Variants in PTPN3 observed in about 807,000 individuals in gnomAD.
PTPN3 encodes the protein tyrosine-protein phosphatase non-receptor type 3.
A neutral mutation model predicts 132.7 loss-of-function variants in PTPN3; 96 were observed. The observed-to-expected ratio is 0.72, with a 90% CI of 0.61 to 0.86. The LOEUF is 0.86. PTPN3 is among the 40% of genes least tolerant of loss of function. The pLI is 0.00. For missense variants in PTPN3, 1,125 were observed against 1,159.6 expected (o/e 0.97, Z 0.43); for synonymous variants, 398 against 429.0 (o/e 0.93, Z 0.89).
chr9:109,538,348 G>A, the PTPN3 span, among the ~76,000 whole-genome samples: 29,340 of 152,160 alleles, frequency 0.19, 3,193 homozygotes, highest in Admixed American at 0.23. Flanking sequence ...ATTTAGAAAA[G>A]CTAAAGTCTG....
chr9:109,440,371 C>G (rs1296996421), intron 7 of PTPN3, among the ~76,000 whole-genome samples: 1 of 152,242 alleles, frequency 6.6e-6, no homozygotes, highest in Non-Finnish European at 1.5e-5. Context: ...CCTGACACAG[C>G]ATGCCCAATG....
chr9:109,406,748 T>C (rs893140045), intron 17 of PTPN3, 130 bp from the exon 18 acceptor site: 2 of 1,097,530 alleles, frequency 1.8e-6, no homozygotes, highest in South Asian at 1.6e-5. Context: ...CGGGTAGTAC[T>C]GTCATTATTT....
At chr9:109,532,464 A>G in the PTPN3 span, among the ~76,000 whole-genome samples, 1 of 152,124 alleles carries the variant, frequency 6.6e-6, no homozygotes, top group Non-Finnish European at 1.5e-5. Context: ...TGACTTTTTG[A>G]AAAAATCAAG....
chr9:109,384,904 A>G (rs1839442667), intron 22 of PTPN3, among the ~76,000 whole-genome samples: 1 of 152,214 alleles, frequency 6.6e-6, no homozygotes, highest in Non-Finnish European at 1.5e-5. Flanking sequence ...TTTGGTTAGT[A>G]GCCATTCTGT....
chr9:109,420,312 C>T, intron 14 of PTPN3, 112 bp downstream of exon 14: 9 of 1,145,908 alleles, frequency 7.9e-6, no homozygotes, highest in Non-Finnish European at 9.6e-6. Flanking sequence ...CCTGTGGGAG[C>T]TGGCTGCAGG....
At chr9:109,441,171 C>G (rs1455986509) in intron 7 of PTPN3, among the ~76,000 whole-genome samples, 1 of 152,182 alleles carries the variant, frequency 6.6e-6, no homozygotes, top group African/African-American at 2.4e-5. Context: ...ATCCATTTTC[C>G]TATCTGTGAG....
intron 1 of PTPN3, among the ~76,000 whole-genome samples, chr9:109,476,911 T>G (rs1221287928): frequency 1.3e-5 from 2 of 152,226 alleles, no homozygotes; most frequent in Non-Finnish European, 2.9e-5. Context: ...GGGCTTCCTG[T>G]GCTACAGGGC....
intron 14 of PTPN3, among the ~76,000 whole-genome samples, chr9:109,417,963 A>C (rs1215650087): frequency 2.0e-5 from 3 of 152,200 alleles, no homozygotes; most frequent in Non-Finnish European, 2.9e-5. Context: ...CTTACATCAA[A>C]CAGTGCTTGA....
chr9:109,442,960 TTG>T (rs1410580142), intron 7 of PTPN3, among the ~76,000 whole-genome samples: 1 of 152,188 alleles, frequency 6.6e-6, no homozygotes, highest in Non-Finnish European at 1.5e-5. Flanking sequence ...ATTGCTTAAT[TTG>T]AACCAAGGTA....
At chr9:109,505,332 A>T in the PTPN3 span, among the ~76,000 whole-genome samples, 6 of 152,184 alleles carry the variant, frequency 3.9e-5, no homozygotes, top group African/African-American at 1.2e-4. Context: ...GAGTATAGTG[A>T]TGTGTCCATG....
chr9:109,423,943 C>T (rs1033858075), intron 12 of PTPN3, among the ~76,000 whole-genome samples: 3 of 152,186 alleles, frequency 2.0e-5, no homozygotes, highest in East Asian at 1.9e-4. Flanking sequence ...CCCTGTAGCA[C>T]ATCATGTACT....
Position 109,406,759 on chromosome 9 carries a change from G to A in PTPN3, c.1636-141C>T, listed in dbSNP as rs570123422. 6.7e-5 allele frequency: 64 copies of A among 953,434 alleles called. 1 individual carries two copies. The East Asian group carries it at 1.2e-3, about 18-fold the overall frequency. 59.1% of individuals were successfully genotyped at this position (953,434 alleles called of 1,614,324 possible). ...CCCTCGGGTAGTACTGTCATTATTT[G>A]TATAATGCATCCACTGCTATGTGGA... On this transcript the variant is annotated intron_variant, in intron 17 of 25. Transcript: ENST00000374541.
intron 12 of PTPN3, among the ~76,000 whole-genome samples, chr9:109,424,576 G>A (rs895295108): frequency 5.9e-5 from 9 of 152,234 alleles, no homozygotes; most frequent in African/African-American, 2.2e-4. Flanking sequence ...GAGTGTCCAT[G>A]TAAGAAATTC....
At chr9:109,526,647 C>T in the PTPN3 span, among the ~76,000 whole-genome samples, 64 of 152,080 alleles carry the variant, frequency 4.2e-4, no homozygotes, top group Non-Finnish European at 7.6e-4. Context: ...TGCACTCCAG[C>T]GTAGGTGACA....
chr9:109,453,624 A>G (rs1845394177), intron 5 of PTPN3, among the ~76,000 whole-genome samples: 3 of 152,310 alleles, frequency 2.0e-5, no homozygotes, highest in Middle Eastern at 3.4e-3. Flanking sequence ...TCTGGTTCAC[A>G]TATTTCCTGT....
intron 1 of PTPN3, among the ~76,000 whole-genome samples, chr9:109,467,368 C>A (rs369466046): frequency 2.6e-5 from 4 of 151,998 alleles, no homozygotes; most frequent in Non-Finnish European, 5.9e-5. Flanking sequence ...TGCCTGTCCC[C>A]GCACCCCCAG....
At chr9:109,531,003 C>T in the PTPN3 span, among the ~76,000 whole-genome samples, 5 of 152,186 alleles carry the variant, frequency 3.3e-5, no homozygotes, top group South Asian at 8.3e-4. Flanking sequence ...GATATTTTAT[C>T]CCATTCTCTG....
intron 2 of PTPN3, 66 bp from the exon 3 acceptor site, chr9:109,457,465 T>C: frequency 7.8e-7 from 1 of 1,284,636 alleles, no homozygotes; most frequent in Non-Finnish European, 1.1e-6. Flanking sequence ...ACATCTTTAC[T>C]GTAGGCAAAA....
At chr9:109,530,628 G>T in the PTPN3 span, among the ~76,000 whole-genome samples, 1 of 152,124 alleles carries the variant, frequency 6.6e-6, no homozygotes, top group African/African-American at 2.4e-5. Flanking sequence ...TTCCTTGAGG[G>T]AGTGCTATAC....
Sources: allele counts gnomAD v4.1 joint callset (sites outside exome capture counted in the v4.1 genomes callset), GRCh38; gene constraint gnomAD v4.1.1; transcripts MANE v1.5; gene names NCBI Gene and HGNC (gene_info 2026-07-23, HGNC 2026-07-21).